TBXAS1: variants seen among roughly 807,000 people sequenced by gnomAD.
TBXAS1 encodes thromboxane A synthase 1.
In TBXAS1, 48 loss-of-function variants were observed where a neutral mutation model predicts 60.7. That is an observed-to-expected ratio of 0.79 (90% CI 0.63 to 1.01). The LOEUF (loss-of-function observed/expected upper bound fraction) is 1.01. Among genes scored for constraint, TBXAS1 ranks in the 50% least tolerant of loss-of-function variants. The pLI is 0.00. For synonymous variants in TBXAS1, 287 were observed against 269.7 expected, an observed-to-expected ratio of 1.06 and a Z score of -0.63; for missense variants, 685 against 686.3, an observed-to-expected ratio of 1.00 and a Z score of 0.02.
intron 4 of TBXAS1, among the ~76,000 whole-genome samples, chr7:139,817,340 C>T (rs746245381): frequency 6.6e-6 from 1 of 152,062 alleles, no homozygotes; most frequent in African/African-American, 2.4e-5. Context: ...CGTGCCTGCT[C>T]CACAAGACGC....
intron 4 of TBXAS1, among the ~76,000 whole-genome samples, chr7:139,789,882 C>T (rs781076443): frequency 1.3e-5 from 2 of 152,150 alleles, no homozygotes; most frequent in Non-Finnish European, 2.9e-5. Flanking sequence ...CTCCCCTCCT[C>T]GGCCTCCCAA....
chr7:139,842,681 G>T (rs1378878246), intron 1 of TBXAS1, among the ~76,000 whole-genome samples: 1 of 152,230 alleles, frequency 6.6e-6, no homozygotes, highest in South Asian at 2.1e-4. Context: ...GGGTAGGGGG[G>T]TGTTAGCTGA....
intron 3 of TBXAS1, among the ~76,000 whole-genome samples, chr7:139,887,436 C>T (rs111958621): frequency 0.021 from 3,155 of 152,226 alleles, 116 homozygotes; most frequent in African/African-American, 0.072. Flanking sequence ...CCCTTCCCTC[C>T]TCCCCCAGGC....
chr7:139,793,875 CCT>C (rs1712380613), intron 4 of TBXAS1, among the ~76,000 whole-genome samples: 1 of 152,154 alleles, frequency 6.6e-6, no homozygotes, highest in African/African-American at 2.4e-5. Context: ...TTCCTTCTTA[CCT>C]CTCTCTCCTG....
intron 10 of TBXAS1, among the ~76,000 whole-genome samples, chr7:140,014,707 G>A (rs1814879713): frequency 6.6e-6 from 1 of 151,664 alleles, no homozygotes; most frequent in East Asian, 1.9e-4. Context: ...TCAGGAGTTC[G>A]AGACCAGCCT....
chr7:139,818,824 G>C (rs1250915562), intron 4 of TBXAS1, among the ~76,000 whole-genome samples: 2 of 152,190 alleles, frequency 1.3e-5, no homozygotes, highest in Non-Finnish European at 2.9e-5. Flanking sequence ...GCTTCATGGA[G>C]CTGGGGGAAG....
At chr7:139,965,560 T>C (rs551719207) in intron 9 of TBXAS1, among the ~76,000 whole-genome samples, 44 of 152,198 alleles carry the variant, frequency 2.9e-4, no homozygotes, top group African/African-American at 1.1e-3. Flanking sequence ...ATGTTTCCAG[T>C]GATTCTGATG....
intron 9 of TBXAS1, among the ~76,000 whole-genome samples, chr7:139,982,401 G>A (rs1334324130): frequency 1.3e-5 from 2 of 152,040 alleles, no homozygotes; most frequent in African/African-American, 4.8e-5. Context: ...GGCTCTCCTA[G>A]GAACACTAAC....
intron 9 of TBXAS1, among the ~76,000 whole-genome samples, chr7:139,979,693 T>C (rs543690860): frequency 6.4e-4 from 96 of 150,594 alleles, no homozygotes; most frequent in Non-Finnish European, 7.5e-4. Context: ...GCCACTGCAC[T>C]CCCCATTCTG....
intron 3 of TBXAS1, among the ~76,000 whole-genome samples, chr7:139,910,272 C>T (rs1805413634): frequency 6.6e-6 from 1 of 152,172 alleles, no homozygotes; most frequent in Non-Finnish European, 1.5e-5. Flanking sequence ...GCACTATCTC[C>T]AGTTAGAGTT....
chr7:139,933,762 C>T (rs1392855176), intron 4 of TBXAS1, among the ~76,000 whole-genome samples: 1 of 150,612 alleles, frequency 6.6e-6, no homozygotes, highest in Non-Finnish European at 1.5e-5. Flanking sequence ...CTTCATGTTT[C>T]AGCTATAATT....
At chr7:139,956,230 T>C (rs1318380783) in intron 7 of TBXAS1, among the ~76,000 whole-genome samples, 1 of 152,192 alleles carries the variant, frequency 6.6e-6, no homozygotes, top group East Asian at 1.9e-4. Flanking sequence ...CACCGCAACC[T>C]CCGCCTCCTG....
rs756839668 is a variant in TBXAS1, at chr7:139,936,208, C to G, written c.351C>G (p.Phe117Leu). 1.6e-5 allele frequency: 26 copies of G among 1,614,080 alleles called. No individual in the cohort carries two copies. Among genetic ancestry groups the G allele is most frequent in the Non-Finnish European group, 2.0e-5 (24 of 1,180,048 alleles). ...CCCAACAGGCGTCGGGTTTGGAGTT[C>G]AAGTCGGTAGCCGACAGCGTTCTGT... is the stretch of plus-strand genomic sequence containing the variant. ...FTNRMASGLE[F>L]KSVADSVLFL... Residue 117 changes from phenylalanine to leucine, a missense_variant, in exon 5 of 13, where the codon TTC becomes TTG. By Grantham distance (22) the Phe-to-Leu change is conservative. Coordinates refer to ENST00000448866, the MANE Select transcript of TBXAS1 (RefSeq NM_001061.7).
Position 139,823,357 on chromosome 7 carries a change from C to T in TBXAS1, c.-79-5955C>T, listed in dbSNP as rs540301141. 2.0e-5 allele frequency among the ~76,000 whole-genome samples: 3 copies of T among 151,994 alleles called. No individual in the cohort carries two copies. In the South Asian group the frequency reaches 6.2e-4, roughly 32 times the overall value. On this transcript the variant is annotated intron_variant, in intron 4 of 16. Transcript: ENST00000336425. The stretch of plus-strand genomic sequence containing the variant: ...TACTGCCAGGTCCCCAGTGATTATT[C>T]AATAAGTGTTTTCTAGAAGAAGGAC...
chr7:139,868,132 A>G (rs1467973248), intron 1 of TBXAS1, among the ~76,000 whole-genome samples: 1 of 152,232 alleles, frequency 6.6e-6, no homozygotes, highest in African/African-American at 2.4e-5. Context: ...GTCCATAACC[A>G]TAATTGTGGG....
rs201269727 is a variant in TBXAS1, at chr7:140,007,142, G to T, written c.1186G>T (p.Val396Leu). ...GGAAGGCCTGCCCTATCTGGACATG[G>T]TGATTGCAGAGACGCTGAGGATGTA... ...LEEGLPYLDM[V>L]IAETLRMYPP... The change falls in exon 10 of 13, where the codon GTG becomes TTG. Residue 396 changes from valine (V) to leucine (L), a missense_variant. Physicochemically the swap from Val to Leu is conservative, Grantham distance 32. Transcript: ENST00000448866. 6.2e-7 allele frequency: 1 copy of T among 1,614,214 alleles called. No individual in the cohort carries two copies. The highest frequency in any genetic ancestry group is 1.1e-5 in the South Asian group (1 of 91,086).
intron 1 of TBXAS1, among the ~76,000 whole-genome samples, chr7:139,870,879 A>G (rs1801772659): frequency 1.3e-5 from 2 of 152,186 alleles, no homozygotes. Flanking sequence ...GCTTGAGGCC[A>G]GGAGTTAAGA....
In TBXAS1 at chr7:139,970,078, G is replaced by C. The variant is rs117269526; in HGVS notation, c.1134+7845G>C. Among the ~76,000 whole-genome samples the C allele has an allele frequency of 4.5e-3, 682 of 152,250 alleles. 8 individuals are homozygous for C. The highest frequency in any genetic ancestry group is 6.8e-3 in the Middle Eastern group (2 of 294). On this transcript the variant is annotated intron_variant, in intron 9 of 12. Transcript: ENST00000448866. ...GATTTTGATTCAGCAGGTCTGGGAC[G>C]AGCCTGAGGGTCTGCATTTCTTTTT... is the stretch of plus-strand genomic sequence containing the variant.
At chr7:140,019,474 C>T (rs1424495283) in intron 12 of TBXAS1, among the ~76,000 whole-genome samples, 1 of 152,200 alleles carries the variant, frequency 6.6e-6, no homozygotes, top group African/African-American at 2.4e-5. Context: ...CCCCGTTCTT[C>T]CTTGTCTGCT....
Sources: allele counts gnomAD v4.1 joint callset (sites outside exome capture counted in the v4.1 genomes callset), GRCh38; gene constraint gnomAD v4.1.1; transcripts MANE v1.5; gene names NCBI Gene and HGNC (gene_info 2026-07-23, HGNC 2026-07-21).